Variants in TTN observed in about 807,000 individuals in gnomAD.
TTN encodes titin.
Under a neutral mutation model 3,223.0 loss-of-function variants are expected in TTN, and 1,525 were observed. The observed-to-expected ratio is 0.47, with a 90% confidence interval of 0.45 to 0.49. The LOEUF is 0.49. TTN is among the 20% of genes least tolerant of loss of function. The pLI is 0.00. For missense variants in TTN, 40,786 were observed against 43,424.0 expected, an observed-to-expected ratio of 0.94 and a Z score of 5.40; for synonymous variants, 14,094 against 15,161.0, an observed-to-expected ratio of 0.93 and a Z score of 5.17.
Position 178,750,808 on chromosome 2 carries a change from T to A in TTN, c.11311+2316A>T, listed in dbSNP as rs369610255. The A allele has an allele frequency of 1.9e-4, 313 of 1,613,104 alleles. No homozygotes were observed. Among genetic ancestry groups the A allele is most frequent in the Non-Finnish European group, 2.6e-4 (306 of 1,179,532 alleles). On this transcript the variant is annotated intron_variant, in intron 47 of 362. Coordinates refer to ENST00000589042, the MANE Select transcript of TTN (RefSeq NM_001267550.2). The stretch of plus-strand genomic sequence containing the variant: ...GAGACACATTTTCAGGAGTCTCATA[T>A]ACTTCCTCCTTCTCACATACATTAG...
chr2:178,653,592 T>G, intron 196 of TTN, 29 bp downstream of exon 196: 1 of 1,112,994 alleles, frequency 9.0e-7, no homozygotes, highest in Non-Finnish European at 1.2e-6. Flanking sequence ...ATATTTCTTC[T>G]GCAGAAAAAG....
rs59989386 is a variant in TTN at position 178,699,383 on chromosome 2, CTTTTTTTTTTTTTTTTTTTTTTTTTT to C, written c.30683-495_30683-470del. 2.7e-3 allele frequency among the ~76,000 whole-genome samples: 120 copies of C among 44,908 alleles called. 1 individual carries two copies. The highest frequency in any genetic ancestry group is 0.02 in the South Asian group (27 of 1,332). The allele number at this position is 44,908 out of a possible 152,430, so 29.5% of individuals were successfully genotyped here. A position where few individuals can be genotyped will look rare whatever the true frequency, so the allele number is the denominator to read the frequency against. On this transcript the variant is annotated intron_variant, in intron 111 of 362. Transcript: ENST00000589042. ...TTTGTATTCATGAATAAATAACACTCTTTTTTTTTTTTTTTTTTTTTTTTTTTTTTTTTTTTTTTTTTTTTTGAGAC... is the reference window on the plus strand; with the variant it reads ...TTTGTATTCATGAATAAATAACACTCTTTTTTTTTTTTTTTTTTTTGAGAC...
In TTN at chr2:178,577,025, G is replaced by A. The variant is rs746045754; in HGVS notation, c.69310C>T (p.Leu23104Phe). Residue 23104 changes from leucine (L) to phenylalanine (F), a missense_variant, in exon 324 of 363, where the codon CTT (leucine) becomes TTT (phenylalanine). Leu to Phe is a conservative substitution (Grantham distance 22). Coordinates refer to ENST00000589042, the MANE Select transcript of TTN (RefSeq NM_001267550.2). ...IQSCRHVATK[L>F]IQGNEYIFRV... ...AAGATGTACTCATTTCCTTGGATAA[G>A]TTTGGTTGCCACATGCCTGCAAGAC... 6.2e-7 allele frequency: 1 copy of A among 1,613,438 alleles called. No individual in the cohort carries two copies.
chr2:178,798,892 T>G (rs1442013532), intron 6 of TTN: 2 of 155,024 alleles, frequency 1.3e-5, no homozygotes, highest in African/African-American at 4.8e-5. Flanking sequence ...GAACTCTAAC[T>G]TCTGTGCTCT....
chr2:178,646,581 G>A lies in TTN; in HGVS notation c.40223-22C>T, dbSNP rs770313510. The A allele has an allele frequency of 1.6e-5, 23 of 1,449,390 alleles. 1 individual carries two copies. In the South Asian group the frequency reaches 2.5e-4, roughly 16 times the overall value. 89.8% of individuals were successfully genotyped at this position (1,449,390 alleles called of 1,614,324 possible). ...CGTTCTTTAAAGAATGTTGACAAAGGAGATGAGGTTGCAATGTAAAGTTCT... is the reference window on the plus strand; with the variant it reads ...CGTTCTTTAAAGAATGTTGACAAAGAAGATGAGGTTGCAATGTAAAGTTCT... On this transcript the variant is annotated intron_variant, in intron 215 of 362. Transcript: ENST00000589042.
chr2:178,790,949 C>T (rs930734777), intron 10 of TTN, 104 bp from the exon 11 acceptor site: 41 of 1,389,182 alleles, frequency 3.0e-5, no homozygotes, highest in South Asian at 6.1e-5. Flanking sequence ...TAGTGGTGAA[C>T]GATAAAATGT....
Position 178,698,852 on chromosome 2 carries a change from G to C in TTN, c.30745C>G (p.Pro10249Ala), listed in dbSNP as rs2074207470. The change falls in exon 112 of 363, where the codon CCA (proline) becomes GCA (alanine). Residue 10249 changes from proline to alanine, a missense_variant. By Grantham distance (27) the Pro-to-Ala change is conservative. Transcript: ENST00000589042. ...KVVAKPKEMT[P>A]REEIVKKPPP... ...TGATTAATTATAATACCTTCACGTG[G>C]TGTCATCTCTTTGGGCTTTGCAACA... 7.1e-6 allele frequency: 11 copies of C among 1,544,456 alleles called. No individual in the cohort carries two copies. The highest frequency in any genetic ancestry group is 9.6e-6 in the Non-Finnish European group (11 of 1,145,668).
At chr2:178,692,436 C>A (rs2072689988) in intron 120 of TTN, 61 bp downstream of exon 120, 1 of 1,432,136 alleles carries the variant, frequency 7.0e-7, no homozygotes, top group East Asian at 2.5e-5. Flanking sequence ...ATACACAGAT[C>A]TTATAGAAAA....
intron 330 of TTN, chr2:178,556,458 A>C (rs540630337): frequency 4.5e-4 from 92 of 203,784 alleles, no homozygotes; most frequent in Non-Finnish European, 7.0e-4. Flanking sequence ...AAACAAACAA[A>C]AAAAAAAAAA....
At chr2:178,628,666 A>C (rs1263644262) in intron 240 of TTN, 2 of 152,124 alleles carry the variant, frequency 1.3e-5, no homozygotes, top group Admixed American at 6.5e-5. Context: ...CAAAGCTTAA[A>C]AAAAATATTT....
rs397517745 is a variant in TTN at position 178,553,134 on chromosome 2, C to G, written c.89766G>C (p.Lys29922Asn). 3.1e-6 allele frequency: 5 copies of G among 1,612,456 alleles called. No homozygotes were observed. The highest frequency in any genetic ancestry group is 4.2e-6 in the Non-Finnish European group (5 of 1,178,756). The stretch of plus-strand genomic sequence containing the variant: ...GCACTTTAACACTCACAGTTGAAGA[C>G]TTAGGTTCACCAACTCCATTTTCTA... ...LTIENGVGEPKSSTVSVKVLD... is the reference protein window; with the variant it reads ...LTIENGVGEPNSSTVSVKVLD... The change falls in exon 335 of 363, where the codon AAG becomes AAC. Residue 29922 changes from lysine (K) to asparagine (N), a missense_variant. Lys to Asn is a moderately conservative substitution (Grantham distance 94). Coordinates refer to ENST00000589042, the MANE Select transcript of TTN (RefSeq NM_001267550.2).
chr2:178,631,298 C>A lies in TTN; in HGVS notation c.43750G>T (p.Gly14584Ter), dbSNP rs2154220286. The change falls in exon 237 of 363, where the codon GGA becomes TGA. Residue 14584 changes from glycine (G) to a stop codon, truncating the protein, a stop_gained and splice_region_variant. Transcript: ENST00000589042. LOFTEE classifies it high-confidence loss of function. ...AGTTTTCCTGTAAAATATGGGTCTC[C>A]CTCTGCAAGTAAAGTATAAGTGAAA... The part of the protein sequence containing the change: ...SSEAKLTVLE[G>*]DPYFTGKLQD... 6.2e-7 allele frequency: 1 copy of A among 1,604,040 alleles called. No homozygotes were observed. The highest frequency in any genetic ancestry group is 8.5e-7 in the Non-Finnish European group (1 of 1,176,880).
In TTN at chr2:178,528,687, A is replaced by T; in HGVS notation, c.107064T>A (p.Cys35688Ter). 1 of 1,613,452 alleles carries T rather than the reference A, an allele frequency of 6.2e-7. No homozygotes were observed. Among genetic ancestry groups the T allele is most frequent in the South Asian group, 1.1e-5 (1 of 90,994 alleles). ...ISKTKEGIVK[C>*]QYDLTLSKEL... ...CTTTGCTCAGTGTCAAATCATACTGACACTTGACGATTCCTTCCTTGGTTT... is the reference window on the plus strand; with the variant it reads ...CTTTGCTCAGTGTCAAATCATACTGTCACTTGACGATTCCTTCCTTGGTTT... Residue 35688 changes from cysteine (C) to a stop codon, truncating the protein, a stop_gained, in exon 360 of 363, where the codon TGT (cysteine) becomes TGA (stop). Transcript: ENST00000589042. LOFTEE classifies it high-confidence loss of function.
chr2:178,751,584 A>G (rs892620057), intron 47 of TTN: 1 of 1,613,150 alleles, frequency 6.2e-7, no homozygotes, highest in African/African-American at 1.3e-5. Context: ...AATTCTAAAT[A>G]TTTCTCATCT....
In TTN at chr2:178,566,600, G is replaced by A. The variant is rs1298988924; in HGVS notation, c.79532C>T (p.Pro26511Leu). ...KNSITLAWGKPIYDGGSEILG... is the reference protein window; with the variant it reads ...KNSITLAWGKLIYDGGSEILG... Reference sequence around the variant, plus strand: ...GATCTCACTGCCGCCATCATAGATGGGTTTACCCCAGGCAAGTGTGATTGA... The same window carrying A: ...GATCTCACTGCCGCCATCATAGATGAGTTTACCCCAGGCAAGTGTGATTGA... Residue 26511 changes from proline (P) to leucine (L), a missense_variant, in exon 326 of 363, where the codon CCC (proline) becomes CTC (leucine). Physicochemically the swap from Pro to Leu is moderately conservative, Grantham distance 98 (BLOSUM62 -3). Transcript: ENST00000589042. The A allele has an allele frequency of 1.2e-6, 2 of 1,612,354 alleles. No individual in the cohort carries two copies. The highest frequency in any genetic ancestry group is 4.5e-5 in the East Asian group (2 of 44,860).
In TTN at chr2:178,605,086, T is replaced by A; in HGVS notation, c.54091A>T (p.Ser18031Cys). The A allele has an allele frequency of 6.2e-7, 1 of 1,612,862 alleles. No homozygotes were observed. Among genetic ancestry groups the A allele is most frequent in the Non-Finnish European group, 8.5e-7 (1 of 1,179,218 alleles). Residue 18031 changes from serine to cysteine, a missense_variant, in exon 280 of 363, where the codon AGC becomes TGC. By Grantham distance (112) the Ser-to-Cys change is moderately radical (BLOSUM62 -1). Transcript: ENST00000589042. Reference sequence around the variant, plus strand: ...TCCTCCCGGACCGCTTTGGGAATGCTAAGCTCAGTTTTTGCCTCACTTCGG... The same window carrying A: ...TCCTCCCGGACCGCTTTGGGAATGCAAAGCTCAGTTTTTGCCTCACTTCGG... Reference protein sequence around the residue: ...VSRSEAKTELSIPKAVREDKG... With the variant: ...VSRSEAKTELCIPKAVREDKG...
At position 178,721,137 on chromosome 2, in the gene TTN, G is replaced by A; in HGVS notation, c.22882C>T (p.Leu7628=). The A allele has an allele frequency of 1.2e-6, 2 of 1,612,472 alleles. No homozygotes were observed. Among genetic ancestry groups the A allele is most frequent in the Non-Finnish European group, 1.7e-6 (2 of 1,178,754 alleles). Residue 7628 remains leucine (L), a synonymous_variant, in exon 79 of 363, where the codon CTG becomes TTG. Transcript: ENST00000589042. The part of the protein sequence containing the change: ...KVAKQGESIQ[L]ECKISGSPEI... ...GGGGAGCCACTTATTTTACATTCCA[G>A]TTGAATGGATTCTCCCTGCTTTGCA...
chr2:178,669,556 G>T, intron 158 of TTN, 36 bp downstream of exon 158: 3 of 1,608,266 alleles, frequency 1.9e-6, no homozygotes, highest in Admixed American at 1.7e-5. Flanking sequence ...ACTAAACCAA[G>T]AATTATTTCA....
intron 147 of TTN, among the ~76,000 whole-genome samples, chr2:178,676,424 T>A (rs1295095328): frequency 6.6e-6 from 1 of 151,920 alleles, no homozygotes; most frequent in Non-Finnish European, 1.5e-5. Context: ...TATGCTGATT[T>A]TAAGCAGCCA....
Sources: gnomAD v4.1 joint callset for allele counts (sites outside exome capture counted in the v4.1 genomes callset) on GRCh38, gnomAD v4.1.1 for gene constraint, MANE v1.5 for transcripts, NCBI Gene and HGNC (gene_info 2026-07-23, HGNC 2026-07-21) for gene names.